The following FAM78B variants were observed in gnomAD, a reference collection of about 807,000 sequenced individuals.
The protein encoded by FAM78B is protein FAM78B.
In FAM78B, 10 loss-of-function variants were observed where a neutral mutation model predicts 20.0. The ratio of observed to expected loss-of-function variants is 0.50; its 90% CI spans 0.31 to 0.85. FAM78B has a LOEUF of 0.85. FAM78B is among the 40% of genes least tolerant of loss of function. The probability of loss-of-function intolerance (pLI) is 0.05; values close to 1 mark genes in which losing one functional copy is unlikely to be tolerated. For synonymous variants in FAM78B, 135 were observed against 132.8 expected (o/e 1.02, Z -0.12); for missense variants, 283 against 345.0 (o/e 0.82, Z 1.42).
intron 1 of FAM78B, among the ~76,000 whole-genome samples, chr1:166,099,537 A>C (rs10800186): frequency 0.2 from 29,678 of 152,118 alleles, 3,303 homozygotes; most frequent in East Asian, 0.38. Flanking sequence ...CTCACCTAGC[A>C]CATAAAGACT....
chr1:166,149,265 C>G (rs74881070), intron 1 of FAM78B, among the ~76,000 whole-genome samples: 1 of 91,568 alleles, frequency 1.1e-5, no homozygotes, highest in African/African-American at 3.2e-5. Context: ...AACAAACAAA[C>G]AAACAAACAA....
chr1:166,161,933 A>T (rs897990357), intron 1 of FAM78B, among the ~76,000 whole-genome samples: 4 of 152,232 alleles, frequency 2.6e-5, no homozygotes, highest in Admixed American at 2.6e-4. Context: ...TGTGTATCAT[A>T]GAGGTTATCT....
At position 166,166,092 on chromosome 1, in the gene FAM78B, C is replaced by A; in HGVS notation, c.157G>T (p.Ala53Ser). The change falls in exon 1 of 2, where the codon GCC (alanine) becomes TCC (serine). Residue 53 changes from alanine to serine, a missense_variant. By Grantham distance (99) the Ala-to-Ser change is moderately conservative. Transcript: ENST00000354422. ...GGGATGGGGGGCATGACCACGCGGG[C>A]GGAGGCTTTGAAGTAGGGGGTCTTG... ...RYKTPYFKAS[A>S]RVVMPPIPRH... The A allele has an allele frequency of 6.2e-7, 1 of 1,613,450 alleles. No individual in the cohort carries two copies. The highest frequency in any genetic ancestry group is 1.1e-5 in the South Asian group (1 of 91,024).
At chr1:166,137,488 G>C (rs1448351643) in intron 1 of FAM78B, among the ~76,000 whole-genome samples, 1 of 129,452 alleles carries the variant, frequency 7.7e-6, no homozygotes, top group Admixed American at 8.2e-5. Context: ...ATTCTTGACT[G>C]TAAGTCCAGT....
At chr1:166,071,727 T>G (rs564411685) in intron 1 of FAM78B, among the ~76,000 whole-genome samples, 25 of 152,352 alleles carry the variant, frequency 1.6e-4, no homozygotes, top group African/African-American at 5.5e-4. Context: ...GATGTTAAGG[T>G]ACATGACAAA....
At chr1:166,060,938 A>T (rs1260089609) in intron 2 of FAM78B, among the ~76,000 whole-genome samples, 1 of 152,228 alleles carries the variant, frequency 6.6e-6, no homozygotes, top group Non-Finnish European at 1.5e-5. Flanking sequence ...CCCATTAGCA[A>T]GTCACCAGGC....
At chr1:166,164,239 C>G (rs1383971659) in intron 1 of FAM78B, among the ~76,000 whole-genome samples, 1 of 152,246 alleles carries the variant, frequency 6.6e-6, no homozygotes. Context: ...ACCAGGGGCC[C>G]CAGGCTGCTG....
intron 1 of FAM78B, among the ~76,000 whole-genome samples, chr1:166,099,578 A>C (rs1653425626): frequency 6.6e-6 from 1 of 152,214 alleles, no homozygotes; most frequent in South Asian, 2.1e-4. Context: ...GGGTGGAAAA[A>C]GCCATTTCAT....
chr1:166,111,645 C>T (rs1017727464), intron 1 of FAM78B, among the ~76,000 whole-genome samples: 2 of 152,216 alleles, frequency 1.3e-5, no homozygotes, highest in East Asian at 1.9e-4. Context: ...TCAAAGTCTA[C>T]GTCTTTATAA....
intron 1 of FAM78B, among the ~76,000 whole-genome samples, chr1:166,144,794 GA>G (rs1261100665): frequency 6.8e-6 from 1 of 146,466 alleles, no homozygotes; most frequent in East Asian, 1.9e-4. Flanking sequence ...GCCCACAAAA[GA>G]AGGAGAGACC....
intron 1 of FAM78B, among the ~76,000 whole-genome samples, chr1:166,133,262 C>T (rs539356172): frequency 5.9e-5 from 9 of 152,246 alleles, no homozygotes; most frequent in Admixed American, 2.0e-4. Context: ...ATGGTAGTAC[C>T]GGAAACTCCT....
At chr1:166,066,056 G>A (rs1178920675), downstream of FAM78B, among the ~76,000 whole-genome samples, 1 of 152,200 alleles carries the variant, frequency 6.6e-6, no homozygotes, top group Non-Finnish European at 1.5e-5. Context: ...GAAAGCCATT[G>A]TTTCCACTGC....
intron 1 of FAM78B, among the ~76,000 whole-genome samples, chr1:166,129,448 C>T (rs1557910737): frequency 6.6e-6 from 1 of 152,206 alleles, no homozygotes; most frequent in Non-Finnish European, 1.5e-5. Context: ...AGAAGCCCAT[C>T]TCTGCAATGA....
At chr1:166,146,823 G>A (rs1328881758) in intron 1 of FAM78B, among the ~76,000 whole-genome samples, 1 of 152,188 alleles carries the variant, frequency 6.6e-6, no homozygotes, top group Admixed American at 6.5e-5. Context: ...TTTCATTTGT[G>A]CTGGCAGGAG....
chr1:166,154,503 GAC>G (rs1655815408), intron 1 of FAM78B, among the ~76,000 whole-genome samples: 1 of 152,220 alleles, frequency 6.6e-6, no homozygotes, highest in Non-Finnish European at 1.5e-5. Context: ...CAACTGTGTA[GAC>G]ATCCCTTGGG....
chr1:166,132,872 T>C (rs1654925494), intron 1 of FAM78B, among the ~76,000 whole-genome samples: 1 of 152,184 alleles, frequency 6.6e-6, no homozygotes, highest in African/African-American at 2.4e-5. Flanking sequence ...CAAAACTGCT[T>C]CATAGTATCT....
chr1:166,063,855 A>G (rs1346453831), intron 2 of FAM78B, among the ~76,000 whole-genome samples: 1 of 152,174 alleles, frequency 6.6e-6, no homozygotes, highest in Admixed American at 6.5e-5. Flanking sequence ...CCCAGCACTC[A>G]GCTGTTTTGA....
At chr1:166,061,748 T>C (rs1651606487) in intron 2 of FAM78B, among the ~76,000 whole-genome samples, 1 of 152,222 alleles carries the variant, frequency 6.6e-6, no homozygotes, top group African/African-American at 2.4e-5. Context: ...TGGTTAGAAT[T>C]GGTCAGAGGC....
chr1:166,082,138 C>T (rs2101724539), intron 1 of FAM78B, among the ~76,000 whole-genome samples: 1 of 152,258 alleles, frequency 6.6e-6, no homozygotes, highest in Middle Eastern at 3.4e-3. Flanking sequence ...CTGAAAAATC[C>T]TATGATGGTT....
Sources: allele counts gnomAD v4.1 joint callset (sites outside exome capture counted in the v4.1 genomes callset), GRCh38; gene constraint gnomAD v4.1.1; transcripts MANE v1.5; gene names NCBI Gene and HGNC (gene_info 2026-07-23, HGNC 2026-07-21).